The following USP34 variants were observed in gnomAD, a reference collection of about 807,000 sequenced individuals.
USP34 encodes ubiquitin specific peptidase 34.
A neutral mutation model predicts 460.3 loss-of-function variants in USP34; 70 were observed. That is an observed-to-expected ratio of 0.15 (90% confidence interval 0.13 to 0.19). The LOEUF (loss-of-function observed/expected upper bound fraction) is 0.19, where lower values mean the gene tolerates loss of function less well. Ranked by LOEUF, USP34 falls within the 10% of genes least tolerant of loss-of-function variation. The probability of loss-of-function intolerance (pLI) is 1.00; values close to 1 mark genes in which losing one functional copy is unlikely to be tolerated. For synonymous variants in USP34, 1,647 were observed against 1,405.3 expected (o/e 1.17, Z -3.85); for missense variants, 3,985 against 4,236.2 (o/e 0.94, Z 1.65).
In USP34 at chr2:61,470,785, C is replaced by T. The variant is rs1695936733; in HGVS notation, c.-93G>A. Reference sequence around the variant, plus strand: ...AGGGGAGAGAGGCGGAGGAGGGGGCCGGCCGGCCGGCGGGGCGGGGAGGCG... The same window carrying T: ...AGGGGAGAGAGGCGGAGGAGGGGGCTGGCCGGCCGGCGGGGCGGGGAGGCG... On this transcript the variant is annotated 5_prime_UTR_variant, in exon 1 of 80. Transcript: ENST00000398571. 15 of 854,280 alleles carry T rather than the reference C, an allele frequency of 1.8e-5. No homozygotes were observed. Among genetic ancestry groups the T allele is most frequent in the Admixed American group, 2.7e-5 (1 of 36,498 alleles). 52.9% of individuals were successfully genotyped at this position (854,280 alleles called of 1,614,324 possible).
intron 1 of USP34, among the ~76,000 whole-genome samples, chr2:61,429,688 G>A (rs577122506): frequency 6.6e-6 from 1 of 152,234 alleles, no homozygotes; most frequent in East Asian, 1.9e-4. Context: ...ACCGACTACT[G>A]ATGCACCAAC....
rs1045137751 is a variant in USP34 at position 61,322,009 on chromosome 2, A to G, written c.3014-2682T>C. On this transcript the variant is annotated intron_variant, in intron 21 of 79. Coordinates refer to ENST00000398571, the MANE Select transcript of USP34 (RefSeq NM_014709.4). The stretch of plus-strand genomic sequence containing the variant: ...TTTGGGAGGCCGAGGTGGGTGGATC[A>G]CCTGAGGTCGGGAGTTCGAGACCAG... Among the ~76,000 whole-genome samples the G allele has an allele frequency of 3.9e-4, 59 of 152,288 alleles. 1 individual carries two copies. Among genetic ancestry groups the G allele is most frequent in the African/African-American group, 1.4e-3 (59 of 41,572 alleles).
chr2:61,221,856 A>C (rs1687597665), intron 65 of USP34: 1 of 332,032 alleles, frequency 3.0e-6, no homozygotes, highest in Admixed American at 4.7e-5. Flanking sequence ...AGATAATTAT[A>C]AAAATATTCT....
rs547544881 is a variant in USP34 at position 61,301,766 on chromosome 2, G to A, written c.3818-312C>T. 9.9e-5 allele frequency among the ~76,000 whole-genome samples: 15 copies of A among 152,226 alleles called. No homozygotes were observed. The South Asian group carries it at 3.1e-3, about 32-fold the overall frequency. ...CTCAAGGACTAAGATTTCTCTCCAG[G>A]AATTCAAGATACTTATTTTCTCACC... On this transcript the variant is annotated intron_variant, in intron 27 of 79. Coordinates refer to ENST00000398571, the MANE Select transcript of USP34 (RefSeq NM_014709.4).
intron 41 of USP34, among the ~76,000 whole-genome samples, chr2:61,269,302 A>G (rs1357320266): frequency 1.3e-5 from 2 of 149,132 alleles, no homozygotes; most frequent in Non-Finnish European, 3.0e-5. Flanking sequence ...CTTGGACTAT[A>G]GATGCTCACC....
chr2:61,324,285 G>A (rs1003360565), intron 21 of USP34, among the ~76,000 whole-genome samples: 1 of 152,172 alleles, frequency 6.6e-6, no homozygotes, highest in African/African-American at 2.4e-5. Context: ...GAATATAACA[G>A]ACCAAGCTCT....
chr2:61,299,338 G>A (rs143618348), intron 29 of USP34, among the ~76,000 whole-genome samples: 137 of 152,230 alleles, frequency 9.0e-4, no homozygotes, highest in Middle Eastern at 6.8e-3. Flanking sequence ...GTGATTCACT[G>A]CATAAGCTAC....
intron 68 of USP34, 97 bp downstream of exon 68, chr2:61,213,963 G>T: frequency 7.2e-7 from 1 of 1,381,374 alleles, no homozygotes; most frequent in Non-Finnish European, 9.9e-7. Flanking sequence ...AGAATGGTGA[G>T]ACTATTCTAT....
intron 27 of USP34, among the ~76,000 whole-genome samples, chr2:61,305,600 A>G (rs1482913140): frequency 6.6e-6 from 1 of 152,100 alleles, no homozygotes; most frequent in East Asian, 1.9e-4. Flanking sequence ...GGTTAAGGAG[A>G]GAAGAAAAAG....
rs1377350411 is a variant in USP34, at chr2:61,187,489, T to TA, written c.*612dup. On this transcript the variant is annotated 3_prime_UTR_variant, in exon 80 of 80. Transcript: ENST00000398571. ...GAAAAGTCATCACAATCAGTTTAATTAAGTGCACAGAATAGCAATCAATCA... is the reference window on the plus strand; with the variant it reads ...GAAAAGTCATCACAATCAGTTTAATTAAAGTGCACAGAATAGCAATCAATCA... The TA allele has an allele frequency of 2.1e-6, 2 of 970,828 alleles. No homozygotes were observed. The highest frequency in any genetic ancestry group is 3.9e-5 in the African/African-American group (2 of 51,046). 60.1% of individuals were successfully genotyped at this position (970,828 alleles called of 1,614,324 possible). A position where few individuals can be genotyped will look rare whatever the true frequency, so the allele number is the denominator to read the frequency against.
intron 3 of USP34, among the ~76,000 whole-genome samples, chr2:61,397,997 G>C (rs1041003232): frequency 1.3e-5 from 2 of 152,080 alleles, no homozygotes; most frequent in African/African-American, 4.8e-5. Flanking sequence ...AACCCGCTTG[G>C]GGGAGGGGGG....
intron 27 of USP34, among the ~76,000 whole-genome samples, chr2:61,303,495 A>T (rs953715601): frequency 1.3e-5 from 2 of 152,272 alleles, no homozygotes; most frequent in South Asian, 2.1e-4. Flanking sequence ...ACTTTATTCA[A>T]ATCATTTTGT....
intron 15 of USP34, among the ~76,000 whole-genome samples, chr2:61,345,081 T>C (rs1691723849): frequency 6.6e-6 from 1 of 152,166 alleles, no homozygotes; most frequent in Admixed American, 6.5e-5. Context: ...AAGACCAGCC[T>C]GGCCAACATG....
chr2:61,373,092 T>C (rs1267281070), intron 8 of USP34, among the ~76,000 whole-genome samples: 1 of 152,204 alleles, frequency 6.6e-6, no homozygotes, highest in East Asian at 1.9e-4. Context: ...TTTTATCTTA[T>C]TTTATTAGAG....
At chr2:61,351,832 G>C (rs962438754) in intron 10 of USP34, among the ~76,000 whole-genome samples, 2 of 151,870 alleles carry the variant, frequency 1.3e-5, no homozygotes, top group African/African-American at 2.4e-5. Context: ...ACACCACTAA[G>C]TATCCATTTA....
chr2:61,412,094 C>A (rs949004098), intron 2 of USP34, among the ~76,000 whole-genome samples: 3 of 148,860 alleles, frequency 2.0e-5, no homozygotes, highest in African/African-American at 7.4e-5. Context: ...GAGGCTGAGG[C>A]AGGAGAACCA....
rs1231575435 is a variant in USP34, at chr2:61,347,798, C to A, written c.2285+72G>T. ...AATAGCACTAATACAGAATAAATTGCAAATTGAATATAGGATATAATACTT... is the reference window on the plus strand; with the variant it reads ...AATAGCACTAATACAGAATAAATTGAAAATTGAATATAGGATATAATACTT... On this transcript the variant is annotated intron_variant, in intron 15 of 79. Coordinates refer to ENST00000398571, the MANE Select transcript of USP34 (RefSeq NM_014709.4). The A allele has an allele frequency of 5.2e-6, 8 of 1,552,736 alleles. No homozygotes were observed. In the Admixed American group the frequency reaches 1.5e-4, roughly 29 times the overall value.
chr2:61,326,777 A>ATTTT (rs35060068), intron 20 of USP34, among the ~76,000 whole-genome samples: 4 of 103,032 alleles, frequency 3.9e-5, no homozygotes, highest in Admixed American at 1.2e-4. Flanking sequence ...GTCAATGGGC[A>ATTTT]TTTTTTTTTT....
At chr2:61,272,189 A>G (rs1189820452) in intron 41 of USP34, among the ~76,000 whole-genome samples, 1 of 152,186 alleles carries the variant, frequency 6.6e-6, no homozygotes, top group Non-Finnish European at 1.5e-5. Context: ...AGGCGGGCAG[A>G]TCGTGAGGTC....
Sources: gnomAD v4.1 joint callset for allele counts (sites outside exome capture counted in the v4.1 genomes callset) on GRCh38, gnomAD v4.1.1 for gene constraint, MANE v1.5 for transcripts, NCBI Gene and HGNC (gene_info 2026-07-23, HGNC 2026-07-21) for gene names.